The following DCLK1 variants were observed in gnomAD, a reference collection of about 807,000 sequenced individuals.
The protein encoded by DCLK1 is serine/threonine-protein kinase DCLK1.
A neutral mutation model predicts 86.2 loss-of-function variants in DCLK1; 16 were observed. That is an observed-to-expected ratio of 0.19 (90% CI 0.13 to 0.28). The LOEUF is 0.28. Among genes scored for constraint, DCLK1 ranks in the 10% least tolerant of loss-of-function variants. The pLI is 1.00. For missense variants in DCLK1, 590 were observed against 940.2 expected (o/e 0.63, Z 4.87); for synonymous variants, 369 against 370.5 (o/e 1.00, Z 0.05).
intron 3 of DCLK1, among the ~76,000 whole-genome samples, chr13:36,007,283 A>C (rs1881020521): frequency 6.6e-6 from 1 of 152,230 alleles, no homozygotes; most frequent in African/African-American, 2.4e-5. Context: ...CTTACTGATA[A>C]AGCTTAGTAG....
chr13:35,894,265 G>A (rs1208444924), intron 4 of DCLK1, among the ~76,000 whole-genome samples: 3 of 152,122 alleles, frequency 2.0e-5, no homozygotes, highest in African/African-American at 7.2e-5. Context: ...AGAGCTAAGC[G>A]CAAATGCAGC....
At chr13:35,967,089 G>C (rs948511987) in intron 3 of DCLK1, among the ~76,000 whole-genome samples, 5 of 151,464 alleles carry the variant, frequency 3.3e-5, no homozygotes, top group African/African-American at 1.2e-4. Flanking sequence ...CCATCGTCTG[G>C]GATGTGGGGA....
At chr13:35,923,968 T>C (rs924614413) in intron 4 of DCLK1, among the ~76,000 whole-genome samples, 11 of 152,130 alleles carry the variant, frequency 7.2e-5, no homozygotes, top group Non-Finnish European at 1.2e-4. Flanking sequence ...CCAGAATAGT[T>C]CGAGGGATCA....
At chr13:35,869,529 G>A (rs1229184844) in intron 5 of DCLK1, among the ~76,000 whole-genome samples, 1 of 152,194 alleles carries the variant, frequency 6.6e-6, no homozygotes, top group East Asian at 1.9e-4. Flanking sequence ...CAGGGAGGTA[G>A]AAAGGAAGTC....
At chr13:35,813,012 C>G (rs916734733) in intron 11 of DCLK1, among the ~76,000 whole-genome samples, 4 of 152,176 alleles carry the variant, frequency 2.6e-5, no homozygotes, top group Non-Finnish European at 5.9e-5. Flanking sequence ...AAAAGAAAAC[C>G]CTAAGTTGTA....
intron 3 of DCLK1, among the ~76,000 whole-genome samples, chr13:36,105,798 G>C (rs1885372252): frequency 1.3e-5 from 2 of 152,158 alleles, no homozygotes; most frequent in African/African-American, 4.8e-5. Context: ...TCCAGGCTCA[G>C]CTGAATTTTT....
chr13:36,052,636 A>T (rs1021261373), intron 3 of DCLK1, among the ~76,000 whole-genome samples: 3 of 152,194 alleles, frequency 2.0e-5, no homozygotes, highest in Non-Finnish European at 2.9e-5. Flanking sequence ...ACAAACACTG[A>T]AAACATGAGA....
At chr13:35,991,071 G>A (rs1329994762) in intron 3 of DCLK1, among the ~76,000 whole-genome samples, 2 of 152,092 alleles carry the variant, frequency 1.3e-5, no homozygotes, top group African/African-American at 4.8e-5. Context: ...AGAAAAAGCA[G>A]AAATGGGATG....
At chr13:35,900,744 C>G (rs1323336687) in intron 4 of DCLK1, among the ~76,000 whole-genome samples, 1 of 152,158 alleles carries the variant, frequency 6.6e-6, no homozygotes, top group Non-Finnish European at 1.5e-5. Context: ...CATCACCTCC[C>G]ACCCTCGGCT....
intron 3 of DCLK1, among the ~76,000 whole-genome samples, chr13:36,039,291 T>A (rs1392752807): frequency 2.0e-5 from 3 of 152,194 alleles, no homozygotes; most frequent in Non-Finnish European, 4.4e-5. Flanking sequence ...CATTGCCAGA[T>A]CCTCTGAACA....
At chr13:36,013,246 T>C (rs1881364572) in intron 3 of DCLK1, among the ~76,000 whole-genome samples, 1 of 152,056 alleles carries the variant, frequency 6.6e-6, no homozygotes, top group Non-Finnish European at 1.5e-5. Flanking sequence ...TCATTCTCCA[T>C]CCAGCTTTGT....
At chr13:35,861,555 T>C (rs552706458) in intron 5 of DCLK1, among the ~76,000 whole-genome samples, 6 of 152,214 alleles carry the variant, frequency 3.9e-5, no homozygotes, top group Non-Finnish European at 7.3e-5. Flanking sequence ...CATTCCTTCA[T>C]AGGCCACAGT....
chr13:35,889,360 A>C (rs986105950), intron 4 of DCLK1, among the ~76,000 whole-genome samples: 1 of 150,952 alleles, frequency 6.6e-6, no homozygotes, highest in Admixed American at 6.6e-5. Flanking sequence ...AAAATTCAAA[A>C]TGTGCAAAAA....
At chr13:36,101,943 G>A (rs533649231) in intron 3 of DCLK1, among the ~76,000 whole-genome samples, 8 of 151,948 alleles carry the variant, frequency 5.3e-5, no homozygotes, top group Admixed American at 2.0e-4. Flanking sequence ...GGGTTTCACC[G>A]TGTTGGCCAG....
At chr13:36,083,365 C>T (rs770887752) in intron 3 of DCLK1, among the ~76,000 whole-genome samples, 4 of 152,168 alleles carry the variant, frequency 2.6e-5, no homozygotes, top group East Asian at 1.9e-4. Context: ...TCTTTCATCT[C>T]GATTACTCTG....
At chr13:35,846,398 C>A in intron 6 of DCLK1, 3 of 985,254 alleles carry the variant, frequency 3.0e-6, no homozygotes, top group Non-Finnish European at 3.6e-6. Context: ...TATCTACTAC[C>A]CTGGCTTCAA....
intron 3 of DCLK1, among the ~76,000 whole-genome samples, chr13:36,073,876 T>C (rs1051071857): frequency 8.5e-5 from 13 of 152,206 alleles, no homozygotes; most frequent in Admixed American, 8.5e-4. Context: ...TGAATTACTA[T>C]GCCTAAAAGC....
rs4488328 is a variant in DCLK1, at chr13:36,131,275, C to T, written c.-181G>A. On this transcript the variant is annotated 5_prime_UTR_variant, in exon 1 of 17. Transcript: ENST00000360631. ...CGGCAGCAGCTGCTGGAGCGCGGCGCCTCGGTTGCGGCCACTAGTGCAGGG... is the reference window on the plus strand; with the variant it reads ...CGGCAGCAGCTGCTGGAGCGCGGCGTCTCGGTTGCGGCCACTAGTGCAGGG... 119,683 of 154,308 alleles carry T rather than the reference C, an allele frequency of 0.78. 46,583 individuals carry two copies. Among genetic ancestry groups the T allele is most frequent in the East Asian group, 0.92 (4,752 of 5,168 alleles). The allele number at this position is 154,308 out of a possible 1,614,324, so 9.6% of individuals were successfully genotyped here.
At chr13:35,972,822 T>G (rs188330297) in intron 3 of DCLK1, among the ~76,000 whole-genome samples, 184 of 152,178 alleles carry the variant, frequency 1.2e-3, no homozygotes, top group Non-Finnish European at 2.3e-3. Context: ...CCCTGTATCC[T>G]GTATCCTGAT....
Sources: gnomAD v4.1 joint callset for allele counts (sites outside exome capture counted in the v4.1 genomes callset) on GRCh38, gnomAD v4.1.1 for gene constraint, MANE v1.5 for transcripts, NCBI Gene and HGNC (gene_info 2026-07-23, HGNC 2026-07-21) for gene names.